Variants in ARMC2 observed in about 807,000 individuals in gnomAD.
The protein encoded by ARMC2 is armadillo repeat-containing protein 2.
A neutral mutation model predicts 90.3 loss-of-function variants in ARMC2; 67 were observed. The observed-to-expected ratio is 0.74, with a 90% CI of 0.61 to 0.91. The LOEUF (loss-of-function observed/expected upper bound fraction) is 0.91. Among genes scored for constraint, ARMC2 ranks in the 40% least tolerant of loss-of-function variants. The pLI is 0.00. For synonymous variants in ARMC2, 393 were observed against 393.0 expected, an observed-to-expected ratio of 1.00 and a Z score of 0.00; for missense variants, 920 against 1,030.9, an observed-to-expected ratio of 0.89 and a Z score of 1.47.
the ARMC2 span, chr6:108,988,222 A>G: frequency 8.7e-5 from 17 of 194,298 alleles, no homozygotes; most frequent in African/African-American, 3.9e-4. Context: ...ATCATTATTC[A>G]GTAATTTCTA....
chr6:108,924,411 G>A (rs927247287), intron 10 of ARMC2, among the ~76,000 whole-genome samples: 5 of 152,202 alleles, frequency 3.3e-5, no homozygotes, highest in East Asian at 3.9e-4. Context: ...CCAGCTACTC[G>A]GGAGGCTGAG....
intron 4 of ARMC2, among the ~76,000 whole-genome samples, chr6:108,874,630 T>G (rs2128436618): frequency 6.6e-6 from 1 of 152,204 alleles, no homozygotes; most frequent in African/African-American, 2.4e-5. Context: ...GCCACATCAT[T>G]TAAAATCTCA....
chr6:108,890,281 C>G (rs1176682547), intron 5 of ARMC2, among the ~76,000 whole-genome samples: 1 of 147,670 alleles, frequency 6.8e-6, no homozygotes, highest in African/African-American at 2.5e-5. Flanking sequence ...CAGGGCAATG[C>G]CATGCACATT....
intron 11 of ARMC2, among the ~76,000 whole-genome samples, chr6:108,932,064 C>T (rs952245362): frequency 2.0e-5 from 3 of 151,402 alleles, no homozygotes; most frequent in Non-Finnish European, 4.4e-5. Flanking sequence ...CGCACCTGGC[C>T]CTTTGCCCAC....
the ARMC2 span, chr6:108,988,690 G>A: frequency 6.3e-7 from 1 of 1,593,676 alleles, no homozygotes; most frequent in Non-Finnish European, 8.5e-7. Context: ...CATCATATCT[G>A]TTGAAAGACA....
At position 108,914,951 on chromosome 6, in the gene ARMC2, T is replaced by C. The variant is rs536318117; in HGVS notation, c.1350+2393T>C. 5.1e-3 allele frequency among the ~76,000 whole-genome samples: 438 copies of C among 85,058 alleles called. 9 individuals are homozygous for C. Among genetic ancestry groups the C allele is most frequent in the East Asian group, 0.015 (53 of 3,480 alleles). The allele number at this position is 85,058 out of a possible 152,430, so 55.8% of individuals were successfully genotyped here. A position where few individuals can be genotyped will look rare whatever the true frequency, so the allele number is the denominator to read the frequency against. On this transcript the variant is annotated intron_variant, in intron 10 of 17. Transcript: ENST00000392644. ...CCTGGTAACTCCAGCTCAGCAGGCATTTTTTTTTTTTTCTTTTTGAGACAG... is the reference window on the plus strand; with the variant it reads ...CCTGGTAACTCCAGCTCAGCAGGCACTTTTTTTTTTTTCTTTTTGAGACAG...
chr6:108,921,131 A>G (rs752025235), intron 10 of ARMC2, among the ~76,000 whole-genome samples: 15 of 152,218 alleles, frequency 9.9e-5, no homozygotes, highest in Non-Finnish European at 1.9e-4. Context: ...TTAATGCACT[A>G]TCTTTTTCAG....
chr6:108,981,210 T>C, the ARMC2 span, among the ~76,000 whole-genome samples: 2 of 152,178 alleles, frequency 1.3e-5, no homozygotes, highest in South Asian at 2.1e-4. Flanking sequence ...TTATGACTAA[T>C]ATATAGTAAC....
chr6:109,044,372 G>A, the ARMC2 span, among the ~76,000 whole-genome samples: 6 of 117,574 alleles, frequency 5.1e-5, no homozygotes, highest in Non-Finnish European at 8.7e-5. Flanking sequence ...ATTCAATGGA[G>A]AAAGGAAGAA....
At chr6:108,953,779 T>C (rs942005257) in intron 13 of ARMC2, among the ~76,000 whole-genome samples, 8 of 152,226 alleles carry the variant, frequency 5.3e-5, no homozygotes, top group African/African-American at 1.7e-4. Context: ...TTCCTTTTTT[T>C]TCCTCTTCAG....
At chr6:108,998,680 G>C in the ARMC2 span, 1 of 1,613,822 alleles carries the variant, frequency 6.2e-7, no homozygotes, top group Non-Finnish European at 8.5e-7. Flanking sequence ...GCAAGAGAAT[G>C]ATAGTGTGTG....
intron 15 of ARMC2, 76 bp downstream of exon 15, chr6:108,962,203 C>A: frequency 8.7e-7 from 1 of 1,144,918 alleles, no homozygotes; most frequent in South Asian, 1.3e-5. Flanking sequence ...CAGCTTGAGT[C>A]ATTACAGTGT....
intron 10 of ARMC2, among the ~76,000 whole-genome samples, chr6:108,914,419 C>T (rs60101743): frequency 0.037 from 5,631 of 152,150 alleles, 232 homozygotes; most frequent in East Asian, 0.2. Context: ...CTCTAGGGGG[C>T]GCTGTAGAAG....
At position 108,964,789 on chromosome 6, in the gene ARMC2, CA is replaced by C. The variant is rs879292492; in HGVS notation, c.2286-180del. The stretch of plus-strand genomic sequence containing the variant: ...TGGGCAACAGAGTGAGACTCTGTCT[CA>C]AAAAAAAAAAGGTGTAGAAGTAGAT... On this transcript the variant is annotated intron_variant, in intron 16 of 17. Coordinates refer to ENST00000392644, the MANE Select transcript of ARMC2 (RefSeq NM_032131.6). Among the ~76,000 whole-genome samples the C allele has an allele frequency of 2.9e-3, 381 of 132,104 alleles. 1 individual carries two copies. The highest frequency in any genetic ancestry group is 8.3e-3 in the African/African-American group (297 of 35,738). The allele number at this position is 132,104 out of a possible 152,430, so 86.7% of individuals were successfully genotyped here.
chr6:108,911,646 A>G (rs1203876209), intron 9 of ARMC2, among the ~76,000 whole-genome samples: 1 of 152,212 alleles, frequency 6.6e-6, no homozygotes, highest in East Asian at 1.9e-4. Flanking sequence ...TGCCCCTGGC[A>G]GATAGGGACA....
the ARMC2 span, among the ~76,000 whole-genome samples, chr6:109,007,289 G>A: frequency 6.6e-6 from 1 of 152,176 alleles, no homozygotes; most frequent in East Asian, 1.9e-4. Context: ...GTTCCAGTCA[G>A]ATGTTTCAAA....
chr6:109,009,209 G>A, the ARMC2 span: 4 of 823,536 alleles, frequency 4.9e-6, no homozygotes, highest in East Asian at 3.5e-5. Flanking sequence ...GCTGCTCCCC[G>A]GGAGCCCGCC....
chr6:108,872,129 C>T (rs1776479558), intron 4 of ARMC2, among the ~76,000 whole-genome samples: 1 of 152,150 alleles, frequency 6.6e-6, no homozygotes, highest in Admixed American at 6.5e-5. Flanking sequence ...GGAGGGCATC[C>T]CTTTGTTTGC....
At chr6:109,015,099 C>T in the ARMC2 span, among the ~76,000 whole-genome samples, 1 of 152,222 alleles carries the variant, frequency 6.6e-6, no homozygotes, top group East Asian at 1.9e-4. Flanking sequence ...AACTGAAAGC[C>T]TAATAATGAA....
Sources: allele counts gnomAD v4.1 joint callset (sites outside exome capture counted in the v4.1 genomes callset), GRCh38; gene constraint gnomAD v4.1.1; transcripts MANE v1.5; gene names NCBI Gene and HGNC (gene_info 2026-07-23, HGNC 2026-07-21).